The following COL4A6 variants were observed in gnomAD, a reference collection of about 807,000 sequenced individuals.
COL4A6 encodes the protein collagen alpha-6(IV) chain.
Under a neutral mutation model 126.7 loss-of-function variants are expected in COL4A6, and 59 were observed. That is an observed-to-expected ratio of 0.47 (90% CI 0.38 to 0.58). COL4A6 has a LOEUF of 0.58. Among genes scored for constraint, COL4A6 ranks in the 20% least tolerant of loss-of-function variants. The pLI is 0.00. For missense variants in COL4A6, 1,285 were observed against 1,337.3 expected (o/e 0.96, Z 0.61); for synonymous variants, 547 against 496.6 (o/e 1.10, Z -1.35).
chrX:108,253,386 A>G (rs2036906467), intron 3 of COL4A6, among the ~76,000 whole-genome samples: 1 of 112,203 alleles, frequency 8.9e-6, no homozygotes, highest in African/African-American at 3.2e-5. Flanking sequence ...GGTCATCAAC[A>G]AAGGAAATAA....
intron 2 of COL4A6, among the ~76,000 whole-genome samples, chrX:108,385,239 T>C (rs766226425): frequency 9.2e-6 from 1 of 109,074 alleles, no homozygotes; most frequent in African/African-American, 3.3e-5. Context: ...TTACGAAAAG[T>C]AATTACATTT....
chrX:108,343,894 C>T (rs1022464588), intron 2 of COL4A6, among the ~76,000 whole-genome samples: 4 of 108,122 alleles, frequency 3.7e-5, no homozygotes, highest in Non-Finnish European at 3.8e-5. Flanking sequence ...TAGCCATTAA[C>T]GAAAGGTGAC....
chrX:108,261,283 A>T (rs2147721596), intron 3 of COL4A6, among the ~76,000 whole-genome samples: 1 of 112,188 alleles, frequency 8.9e-6, no homozygotes, highest in Non-Finnish European at 1.9e-5. Flanking sequence ...CACACCATAA[A>T]TGTAGAATAT....
intron 3 of COL4A6, among the ~76,000 whole-genome samples, chrX:108,276,137 C>T (rs2037595675): frequency 8.9e-6 from 1 of 112,880 alleles, no homozygotes; most frequent in Non-Finnish European, 1.9e-5. Context: ...AATTATCTCC[C>T]TCATTTATGC....
At chrX:108,238,130 G>A (rs1602893750) in intron 3 of COL4A6, among the ~76,000 whole-genome samples, 1 of 95,071 alleles carries the variant, frequency 1.1e-5, no homozygotes, top group Non-Finnish European at 2.1e-5. Flanking sequence ...TTTTTGAGAT[G>A]GAGTCTTGCT....
chrX:108,221,414 C>T, intron 3 of COL4A6, 40 bp from the exon 4 acceptor site: 1 of 1,184,113 alleles, frequency 8.4e-7, no homozygotes, highest in Non-Finnish European at 1.1e-6. Context: ...CAATAGAGGA[C>T]TTAGCATTAA....
intron 2 of COL4A6, among the ~76,000 whole-genome samples, chrX:108,406,135 T>G (rs1479403918): frequency 3.6e-5 from 4 of 111,142 alleles, no homozygotes; most frequent in Non-Finnish European, 7.5e-5. Context: ...GCCTGGCTAA[T>G]TTTATTTTAA....
Position 108,187,848 on chromosome X carries a change from C to T in COL4A6, c.1767G>A (p.Pro589=), listed in dbSNP as rs781038243. The T allele has an allele frequency of 1.3e-5, 16 of 1,199,421 alleles. No individual in the cohort carries two copies. Among genetic ancestry groups the T allele is most frequent in the Middle Eastern group, 2.3e-4 (1 of 4,290 alleles). The part of the protein sequence containing the change: ...VPGLPGLPGL[P]GDGGQGFPGE... ...AATCACCTAGGAACGATCAACTTAC[C>T]GGAAGGCCTGGCAGACCTGGTAAAC... The change falls in exon 22 of 45, where the codon CCG becomes CCA. Residue 589 remains proline, a splice_region_variant and synonymous_variant. Coordinates refer to ENST00000334504, the MANE Select transcript of COL4A6 (RefSeq NM_033641.4).
chrX:108,386,227 A>G (rs1326983858), intron 2 of COL4A6, among the ~76,000 whole-genome samples: 2 of 111,957 alleles, frequency 1.8e-5, no homozygotes, highest in Non-Finnish European at 3.8e-5. Flanking sequence ...TCCTTTGTGT[A>G]TATACCCAGC....
chrX:108,188,100 T>C (rs1251119785), intron 21 of COL4A6, 73 bp from the exon 22 acceptor site: 3 of 912,792 alleles, frequency 3.3e-6, no homozygotes, highest in Non-Finnish European at 4.6e-6. Context: ...CCTAGCATTA[T>C]GACTTAGAGC....
chrX:108,244,152 A>C (rs2036652807), intron 3 of COL4A6, among the ~76,000 whole-genome samples: 1 of 107,627 alleles, frequency 9.3e-6, no homozygotes, highest in Admixed American at 9.9e-5. Context: ...GAGAATGATA[A>C]GAGAGCTATC....
intron 2 of COL4A6, among the ~76,000 whole-genome samples, chrX:108,347,276 G>C (rs778538354): frequency 2.7e-5 from 3 of 112,100 alleles, no homozygotes; most frequent in Admixed American, 9.4e-5. Context: ...AGTACCCAAA[G>C]AACACACGCA....
intron 31 of COL4A6, among the ~76,000 whole-genome samples, chrX:108,173,096 C>T (rs1295332858): frequency 8.9e-6 from 1 of 112,685 alleles, no homozygotes; most frequent in East Asian, 2.8e-4. Context: ...AACACACTAT[C>T]TGAGTCTGGG....
intron 2 of COL4A6, among the ~76,000 whole-genome samples, chrX:108,326,724 T>C (rs2039166344): frequency 8.9e-6 from 1 of 112,305 alleles, no homozygotes; most frequent in Non-Finnish European, 1.9e-5. Flanking sequence ...CTGAAACAAT[T>C]GGACATTCAA....
At position 108,164,933 on chromosome X, in the gene COL4A6, T is replaced by A; in HGVS notation, c.3914A>T (p.Lys1305Met). The A allele has an allele frequency of 8.3e-7, 1 of 1,209,906 alleles. No individual in the cohort carries two copies. Residue 1305 changes from lysine to methionine, a missense_variant, in exon 39 of 45, where the codon AAG (lysine) becomes ATG (methionine). Lys to Met is a moderately conservative substitution (Grantham distance 95). Transcript: ENST00000334504. ...AAAACCTGGAATTCCTTGGTCTCCC[T>A]TAGGCCCTTTAGGTCCAGGAATTCC... ...FPGIPGPKGP[K>M]GDQGIPGFSG...
chrX:108,221,166 C>A (rs778668966), intron 4 of COL4A6, 74 bp downstream of exon 4: 1 of 1,158,663 alleles, frequency 8.6e-7, no homozygotes, highest in Non-Finnish European at 1.2e-6. Context: ...ATGAGCAGAA[C>A]TGGGATGGAG....
At chrX:108,192,375 C>T in intron 18 of COL4A6, 98 bp downstream of exon 18, 1 of 560,881 alleles carries the variant, frequency 1.8e-6, no homozygotes, top group East Asian at 3.7e-5. Flanking sequence ...TTGACTTTGG[C>T]TAGGTGTGTG....
At chrX:108,414,929 G>C (rs1473149578) in intron 2 of COL4A6, among the ~76,000 whole-genome samples, 3 of 112,116 alleles carry the variant, frequency 2.7e-5, no homozygotes, top group African/African-American at 9.7e-5. Context: ...ATAGTTATTA[G>C]AGGATTTCAG....
chrX:108,272,607 A>G (rs1048133999), intron 3 of COL4A6, among the ~76,000 whole-genome samples: 6 of 111,528 alleles, frequency 5.4e-5, no homozygotes, highest in African/African-American at 2.0e-4. Context: ...AACAAAACAA[A>G]CAACAACAAC....
Sources: allele counts gnomAD v4.1 joint callset (sites outside exome capture counted in the v4.1 genomes callset), GRCh38; gene constraint gnomAD v4.1.1; transcripts MANE v1.5; gene names NCBI Gene and HGNC (gene_info 2026-07-23, HGNC 2026-07-21).